RNF8: variants seen among roughly 807,000 people sequenced by gnomAD.
RNF8 encodes E3 ubiquitin-protein ligase RNF8.
In RNF8, 8 loss-of-function variants were observed where a neutral mutation model predicts 59.3. That is an observed-to-expected ratio of 0.13 (90% CI 0.08 to 0.24). The LOEUF (loss-of-function observed/expected upper bound fraction) is 0.24. Among genes scored for constraint, RNF8 ranks in the 10% least tolerant of loss-of-function variants. RNF8 has a pLI of 1.00. For synonymous variants in RNF8, 162 were observed against 200.0 expected (o/e 0.81, Z 1.60); for missense variants, 406 against 572.6 (o/e 0.71, Z 2.97).
rs1769298399 is a variant in RNF8, at chr6:37,360,997, A to G, written c.240+423A>G. Among the ~76,000 whole-genome samples, 1 of 151,842 alleles carries G rather than the reference A, an allele frequency of 6.6e-6. No individual in the cohort carries two copies. The highest frequency in any genetic ancestry group is 6.6e-5 in the Admixed American group (1 of 15,252). On this transcript the variant is annotated intron_variant, in intron 2 of 7. Coordinates refer to ENST00000373479, the MANE Select transcript of RNF8 (RefSeq NM_003958.4). This position sits in a 1 kb window ranked among gnomAD's most constrained non-coding sequence, Gnocchi z 4.2. ...TTGCGCTTAGCTCCTTTCCTTCCTC[A>G]CTCCTTTCAATCTGAGCAACCTCCC...
At chr6:37,357,219 C>T (rs868035686) in intron 1 of RNF8, among the ~76,000 whole-genome samples, 15 of 152,182 alleles carry the variant, frequency 9.9e-5, no homozygotes, top group African/African-American at 2.4e-4. Context: ...TCAGTTCCCA[C>T]GGGAAATTCA....
At chr6:37,382,228 C>T (rs1024708998) in intron 7 of RNF8, among the ~76,000 whole-genome samples, 3 of 152,150 alleles carry the variant, frequency 2.0e-5, no homozygotes, top group African/African-American at 7.2e-5. Context: ...TATCAGGGTG[C>T]TATGAAACTT....
Position 37,369,338 on chromosome 6 carries a change from G to A in RNF8, c.975+120G>A, listed in dbSNP as rs182370623. ...ACCAAATTCTGAGCACCAAAGACAG[G>A]AAATGGAATGGGAACAGTAAACTTT... On this transcript the variant is annotated intron_variant, in intron 3 of 7. Transcript: ENST00000373479. 2.3e-5 allele frequency: 27 copies of A among 1,198,452 alleles called. No homozygotes were observed. In the African/African-American group the frequency reaches 3.5e-4, roughly 16 times the overall value. The allele number at this position is 1,198,452 out of a possible 1,614,324, so 74.2% of individuals were successfully genotyped here. A position where few individuals can be genotyped will look rare whatever the true frequency, so the allele number is the denominator to read the frequency against.
chr6:37,390,843 G>C lies in RNF8; in HGVS notation c.*85G>C. The C allele has an allele frequency of 6.2e-7, 1 of 1,612,822 alleles. No homozygotes were observed. The highest frequency in any genetic ancestry group is 8.5e-7 in the Non-Finnish European group (1 of 1,178,856). On this transcript the variant is annotated 3_prime_UTR_variant, in exon 8 of 8. Transcript: ENST00000373479. ...GAGGATTCTCTCTAGCCGTGACTCC[G>C]CTGCTCTGAAGGTCAACTGAGAAGT...
intron 7 of RNF8, among the ~76,000 whole-genome samples, chr6:37,389,008 C>A (rs1020923579): frequency 6.6e-6 from 1 of 151,654 alleles, no homozygotes; most frequent in African/African-American, 2.4e-5. Flanking sequence ...GTAGATCCCC[C>A]TCATTACATT....
In RNF8 at chr6:37,382,025, C is replaced by G. The variant is rs541575537; in HGVS notation, c.1441+671C>G. On this transcript the variant is annotated intron_variant, in intron 7 of 7. Transcript: ENST00000373479. ...AAATTTAAGCCCCCACAGATTTTCA[C>G]TTCCAAGAGCTACTTGATCTGACAG... is the stretch of plus-strand genomic sequence containing the variant. 1.7e-4 allele frequency among the ~76,000 whole-genome samples: 26 copies of G among 152,336 alleles called. No homozygotes were observed. In the South Asian group the frequency reaches 2.7e-3, roughly 16 times the overall value.
rs563606293 is a variant in RNF8, at chr6:37,388,860, G to A, written c.1442-1882G>A. Among the ~76,000 whole-genome samples the A allele has an allele frequency of 2.6e-5, 4 of 151,488 alleles. 1 individual carries two copies. Among genetic ancestry groups the A allele is most frequent in the African/African-American group, 9.8e-5 (4 of 41,020 alleles). ...AGGCTGGAGCATCCCTTGAACCCAGGAGTTTAAGTCTCCAGTAAGCTGTGA... is the reference window on the plus strand; with the variant it reads ...AGGCTGGAGCATCCCTTGAACCCAGAAGTTTAAGTCTCCAGTAAGCTGTGA... On this transcript the variant is annotated intron_variant, in intron 7 of 7. Coordinates refer to ENST00000373479, the MANE Select transcript of RNF8 (RefSeq NM_003958.4).
intron 6 of RNF8, among the ~76,000 whole-genome samples, chr6:37,380,032 G>A (rs1040712167): frequency 3.3e-5 from 5 of 151,994 alleles, no homozygotes; most frequent in African/African-American, 1.2e-4. Context: ...TCCCACCCCA[G>A]CCTCCTGAGT....
At position 37,381,405 on chromosome 6, in the gene RNF8, C is replaced by T. The variant is rs768954185; in HGVS notation, c.1441+51C>T. 3.4e-6 allele frequency: 5 copies of T among 1,467,350 alleles called. No individual in the cohort carries two copies. In the East Asian group the frequency reaches 1.1e-4, roughly 33 times the overall value. 90.9% of individuals were successfully genotyped at this position (1,467,350 alleles called of 1,614,324 possible). On this transcript the variant is annotated intron_variant, in intron 7 of 7. Transcript: ENST00000373479. The stretch of plus-strand genomic sequence containing the variant: ...CCTCAAGAAAGGACTTATTTACTTC[C>T]AAACTTCAACAAATATTTTTGGAAA...
intron 1 of RNF8, chr6:37,359,362 G>T (rs1377470384): frequency 6.9e-6 from 2 of 290,350 alleles, no homozygotes; most frequent in South Asian, 3.3e-5. Context: ...GATGGTGTGG[G>T]TTAATGTTTA....
intron 6 of RNF8, among the ~76,000 whole-genome samples, chr6:37,378,556 G>A (rs558447843): frequency 2.5e-4 from 33 of 133,474 alleles, no homozygotes; most frequent in African/African-American, 8.8e-4. Context: ...AGCTGATATC[G>A]CACCACTGCA....
intron 2 of RNF8, 161 bp from the exon 3 acceptor site, chr6:37,368,323 A>G: frequency 6.4e-7 from 1 of 1,565,000 alleles, no homozygotes; most frequent in Non-Finnish European, 8.6e-7. Flanking sequence ...TGCTTGACGA[A>G]TGCTGTTTCT....
chr6:37,386,159 T>C (rs1770486743), intron 7 of RNF8, among the ~76,000 whole-genome samples: 1 of 146,986 alleles, frequency 6.8e-6, no homozygotes, highest in South Asian at 2.1e-4. Context: ...CTATCACTCT[T>C]ATTGGCACCT....
At position 37,362,489 on chromosome 6, in the gene RNF8, A is replaced by G. The variant is rs950646435; in HGVS notation, c.240+1915A>G. Among the ~76,000 whole-genome samples the G allele has an allele frequency of 2.2e-5, 3 of 134,030 alleles. No individual in the cohort carries two copies. In the Admixed American group the frequency reaches 2.3e-4, roughly 10 times the overall value. 87.9% of individuals were successfully genotyped at this position (134,030 alleles called of 152,430 possible). A position where few individuals can be genotyped will look rare whatever the true frequency, so the allele number is the denominator to read the frequency against. Reference sequence around the variant, plus strand: ...TCTTAACAACCTGTTTAAACTTTTTAGCTGTGATTGTTTGTGAGATAACTG... The same window carrying G: ...TCTTAACAACCTGTTTAAACTTTTTGGCTGTGATTGTTTGTGAGATAACTG... On this transcript the variant is annotated intron_variant, in intron 2 of 7. Transcript: ENST00000373479.
chr6:37,359,339 G>A (rs1769232314), intron 1 of RNF8: 1 of 371,012 alleles, frequency 2.7e-6, no homozygotes, highest in African/African-American at 2.1e-5. Flanking sequence ...ATAACTGGCT[G>A]AAGGTATATC....
At position 37,365,425 on chromosome 6, in the gene RNF8, A is replaced by G. The variant is rs193052882; in HGVS notation, c.241-3059A>G. 1.5e-4 allele frequency among the ~76,000 whole-genome samples: 23 copies of G among 152,366 alleles called. No individual in the cohort carries two copies. The South Asian group carries it at 2.3e-3, about 15-fold the overall frequency. Reference sequence around the variant, plus strand: ...TGTAACTTTTAAAATACTGATACTTAGTTCCTATCTCAGACCACTTAACTC... The same window carrying G: ...TGTAACTTTTAAAATACTGATACTTGGTTCCTATCTCAGACCACTTAACTC... On this transcript the variant is annotated intron_variant, in intron 2 of 7. Transcript: ENST00000373479.
intron 3 of RNF8, 129 bp downstream of exon 3, chr6:37,369,347 TG>T: frequency 8.8e-7 from 1 of 1,136,816 alleles, no homozygotes; most frequent in Non-Finnish European, 1.2e-6. Flanking sequence ...GGAAATGGAA[TG>T]GGAACAGTAA....
Position 37,368,995 on chromosome 6 carries a change from T to C in RNF8, c.752T>C (p.Val251Ala). Residue 251 changes from valine (V) to alanine (A), a missense_variant, in exon 3 of 8, where the codon GTG (valine) becomes GCG (alanine). Around this residue, in one of 3 missense-constraint regions of RNF8, gnomAD observed 285 missense variants for 342.0 expected, o/e 0.83. Coordinates refer to ENST00000373479, the MANE Select transcript of RNF8 (RefSeq NM_003958.4). ...CAGAGAAGCTTACAGATGTTTAAGGTGACCATGTCCAGGATTCTGAGGCTC... is the reference window on the plus strand; with the variant it reads ...CAGAGAAGCTTACAGATGTTTAAGGCGACCATGTCCAGGATTCTGAGGCTC... ...ASQRSLQMFKVTMSRILRLKI... is the reference protein window; with the variant it reads ...ASQRSLQMFKATMSRILRLKI... 1 of 1,614,176 alleles carries C rather than the reference T, an allele frequency of 6.2e-7. No individual in the cohort carries two copies. Among genetic ancestry groups the C allele is most frequent in the African/African-American group, 1.3e-5 (1 of 75,046 alleles).
chr6:37,362,877 A>G (rs1464442065), intron 2 of RNF8, among the ~76,000 whole-genome samples: 1 of 152,256 alleles, frequency 6.6e-6, no homozygotes, highest in African/African-American at 2.4e-5. Context: ...GGCTTAAAAT[A>G]TAGAAAAAAA....
Sources: gnomAD v4.1 joint callset for allele counts (sites outside exome capture counted in the v4.1 genomes callset) on GRCh38, gnomAD v4.1.1 for gene constraint, gnomAD v4.1.1 regional missense constraint, Gnocchi (gnomAD v3.1) non-coding constraint, MANE v1.5 for transcripts, NCBI Gene and HGNC (gene_info 2026-07-23, HGNC 2026-07-21) for gene names.